Variants in RETREG1 observed in about 807,000 individuals in gnomAD.
RETREG1 encodes the protein family with sequence similarity 134 member B.
RETREG1 carries 44 observed loss-of-function variants against 54.8 expected under a neutral mutation model. The observed-to-expected ratio is 0.80, with a 90% confidence interval of 0.63 to 1.03. RETREG1 has a LOEUF of 1.03. Ranked by LOEUF, RETREG1 falls within the 50% of genes least tolerant of loss-of-function variation. The pLI, the probability that RETREG1 is intolerant of heterozygous loss-of-function variation, is 0.00. For missense variants in RETREG1, 554 were observed against 605.1 expected, an observed-to-expected ratio of 0.92 and a Z score of 0.89; for synonymous variants, 217 against 238.5, an observed-to-expected ratio of 0.91 and a Z score of 0.83.
intron 3 of RETREG1, among the ~76,000 whole-genome samples, chr5:16,512,937 G>A (rs1046419574): frequency 2.6e-4 from 40 of 152,098 alleles, no homozygotes; most frequent in Non-Finnish European, 5.3e-4. Context: ...GAGAGACCAA[G>A]CGAAGGTAAC....
At chr5:16,589,088 G>C (rs988963447) in intron 1 of RETREG1, among the ~76,000 whole-genome samples, 40 of 152,160 alleles carry the variant, frequency 2.6e-4, no homozygotes, top group African/African-American at 9.4e-4. Context: ...TTAGTATCTA[G>C]AGCCCCACAT....
chr5:16,534,117 C>T (rs1310352949), intron 3 of RETREG1, among the ~76,000 whole-genome samples: 5 of 151,950 alleles, frequency 3.3e-5, no homozygotes, highest in African/African-American at 9.7e-5. Context: ...AACACATTTT[C>T]CCTACATCCA....
At chr5:16,609,757 C>T (rs1004716677) in intron 1 of RETREG1, among the ~76,000 whole-genome samples, 5 of 152,104 alleles carry the variant, frequency 3.3e-5, no homozygotes, top group East Asian at 1.9e-4. Flanking sequence ...ACACAAAGGG[C>T]GATCCTGGGG....
intron 2 of RETREG1, among the ~76,000 whole-genome samples, chr5:16,569,496 G>A (rs1017790500): frequency 1.3e-5 from 2 of 152,066 alleles, no homozygotes. Context: ...AACACGGACT[G>A]ACCCAGGAAC....
intron 3 of RETREG1, among the ~76,000 whole-genome samples, chr5:16,504,647 C>G (rs1441862535): frequency 6.6e-6 from 1 of 152,130 alleles, no homozygotes; most frequent in Non-Finnish European, 1.5e-5. Context: ...CACATAACAG[C>G]CATATATGTA....
At chr5:16,581,629 C>T (rs1742486381) in intron 1 of RETREG1, among the ~76,000 whole-genome samples, 1 of 152,086 alleles carries the variant, frequency 6.6e-6, no homozygotes, top group Non-Finnish European at 1.5e-5. Flanking sequence ...CTTGTGACCA[C>T]ATCAATGGAT....
intron 1 of RETREG1, among the ~76,000 whole-genome samples, chr5:16,592,834 G>T (rs1172922495): frequency 6.6e-6 from 1 of 152,122 alleles, no homozygotes; most frequent in African/African-American, 2.4e-5. Flanking sequence ...ATAAGTGGGA[G>T]CTAAACAATG....
At chr5:16,572,499 C>T (rs765241734) in intron 1 of RETREG1, among the ~76,000 whole-genome samples, 17 of 152,208 alleles carry the variant, frequency 1.1e-4, no homozygotes, top group Non-Finnish European at 1.6e-4. Context: ...AGGCGTGAGC[C>T]ACTGTGCCTG....
rs545348811 is a variant in RETREG1, at chr5:16,580,323, C to T, written c.321-8221G>A. Among the ~76,000 whole-genome samples, 19 of 152,344 alleles carry T rather than the reference C, an allele frequency of 1.2e-4. No individual in the cohort carries two copies. The East Asian group carries it at 3.3e-3, about 26-fold the overall frequency. ...AGACAATCCAGTCTGCCACTATGTG[C>T]TTGCCCATATCATTCCATCTTATCC... On this transcript the variant is annotated intron_variant, in intron 1 of 8. Coordinates refer to ENST00000306320, the MANE Select transcript of RETREG1 (RefSeq NM_001034850.3).
rs550444168 is a variant in RETREG1, at chr5:16,518,108, A to C, written c.459-34636T>G. Reference sequence around the variant, plus strand: ...TACTATGTATATTTATATATAATCAATGTATTTACATATAATTGTATATAT... The same window carrying C: ...TACTATGTATATTTATATATAATCACTGTATTTACATATAATTGTATATAT... On this transcript the variant is annotated intron_variant, in intron 3 of 8. Coordinates refer to ENST00000306320, the MANE Select transcript of RETREG1 (RefSeq NM_001034850.3). Among the ~76,000 whole-genome samples the C allele has an allele frequency of 6.7e-5, 10 of 148,198 alleles. No individual in the cohort carries two copies. In the South Asian group the frequency reaches 2.1e-3, roughly 31 times the overall value.
intron 3 of RETREG1, among the ~76,000 whole-genome samples, chr5:16,498,868 C>T (rs1311116215): frequency 6.6e-6 from 1 of 152,202 alleles, no homozygotes; most frequent in South Asian, 2.1e-4. Context: ...AAACCCTGTA[C>T]ACTTATTGAG....
rs1436680250 is a variant in RETREG1, at chr5:16,528,502, C to CA, written c.458+37260dup. Among the ~76,000 whole-genome samples, 8 of 152,174 alleles carry CA rather than the reference C, an allele frequency of 5.3e-5. No individual in the cohort carries two copies. The East Asian group carries it at 1.6e-3, about 29-fold the overall frequency. ...TGGGACAGGAGTCAGCTCTGGATGACATGGAGGCCAGTCTCTTCAGGAGCA... is the reference window on the plus strand; with the variant it reads ...TGGGACAGGAGTCAGCTCTGGATGACAATGGAGGCCAGTCTCTTCAGGAGCA... On this transcript the variant is annotated intron_variant, in intron 3 of 8. Transcript: ENST00000306320.
rs926981266 is a variant in RETREG1 at position 16,594,719 on chromosome 5, C to CA, written c.320+21932dup. ...CAGCCTGGGCAACAGAGCAAGACTC[C>CA]AAAAAAAACAAAAAACAAAACACAA... On this transcript the variant is annotated intron_variant, in intron 1 of 8. Coordinates refer to ENST00000306320, the MANE Select transcript of RETREG1 (RefSeq NM_001034850.3). The surrounding 1 kb of genome is among the most constrained non-coding windows in gnomAD (Gnocchi z 4.4). Among the ~76,000 whole-genome samples the CA allele has an allele frequency of 3.4e-4, 51 of 151,242 alleles. No homozygotes were observed. Among genetic ancestry groups the CA allele is most frequent in the African/African-American group, 1.2e-3 (48 of 41,294 alleles).
intron 3 of RETREG1, among the ~76,000 whole-genome samples, chr5:16,557,694 T>A (rs1741746977): frequency 6.6e-6 from 1 of 152,206 alleles, no homozygotes; most frequent in African/African-American, 2.4e-5. Flanking sequence ...TTTGGCAGGG[T>A]ACAGACTTTA....
chr5:16,598,519 C>T (rs745471526), intron 1 of RETREG1, among the ~76,000 whole-genome samples: 3 of 152,212 alleles, frequency 2.0e-5, no homozygotes, highest in Admixed American at 6.5e-5. Context: ...GCTCTGCTTA[C>T]GTTGATTCAC....
intron 1 of RETREG1, among the ~76,000 whole-genome samples, chr5:16,574,933 C>G (rs776560716): frequency 2.0e-5 from 3 of 152,172 alleles, no homozygotes; most frequent in Non-Finnish European, 2.9e-5. Flanking sequence ...CCCTAAGGAG[C>G]CACCACTTGC....
Position 16,585,985 on chromosome 5 carries a change from G to T in RETREG1, c.321-13883C>A, listed in dbSNP as rs1026948020. Reference sequence around the variant, plus strand: ...CACTGGGGATCACATTGCAGCCTGAGATCTGGGCAGCAATAAATATCCAAA... The same window carrying T: ...CACTGGGGATCACATTGCAGCCTGATATCTGGGCAGCAATAAATATCCAAA... On this transcript the variant is annotated intron_variant, in intron 1 of 8. Transcript: ENST00000306320. This position sits in a 1 kb window ranked among gnomAD's most constrained non-coding sequence, Gnocchi z 4.5. 3.3e-5 allele frequency among the ~76,000 whole-genome samples: 5 copies of T among 152,130 alleles called. No individual in the cohort carries two copies. The highest frequency in any genetic ancestry group is 7.4e-5 in the Non-Finnish European group (5 of 68,024).
rs752806347 is a variant in RETREG1 at position 16,585,722 on chromosome 5, G to A, written c.321-13620C>T. ...TTCTGCAGGCTGTACAGGAAGCATG[G>A]GGTCAGCATCTGCTCGGCTTCTCAT... On this transcript the variant is annotated intron_variant, in intron 1 of 8. Coordinates refer to ENST00000306320, the MANE Select transcript of RETREG1 (RefSeq NM_001034850.3). This position sits in a 1 kb window ranked among gnomAD's most constrained non-coding sequence, Gnocchi z 4.5. Among the ~76,000 whole-genome samples, 6 of 152,130 alleles carry A rather than the reference G, an allele frequency of 3.9e-5. No homozygotes were observed. Among genetic ancestry groups the A allele is most frequent in the Non-Finnish European group, 7.4e-5 (5 of 68,026 alleles).
At chr5:16,576,549 G>A (rs1579700741) in intron 1 of RETREG1, among the ~76,000 whole-genome samples, 1 of 151,716 alleles carries the variant, frequency 6.6e-6, no homozygotes. Flanking sequence ...GCAATGGCAC[G>A]ATCTCGGCTC....
Sources: allele counts gnomAD v4.1 joint callset (sites outside exome capture counted in the v4.1 genomes callset), GRCh38; gene constraint gnomAD v4.1.1; non-coding constraint Gnocchi (gnomAD v3.1); transcripts MANE v1.5; gene names NCBI Gene and HGNC (gene_info 2026-07-23, HGNC 2026-07-21).